Variants in KIRREL1 observed in about 807,000 individuals in gnomAD.
KIRREL1 encodes kin of IRRE-like protein 1.
Under a neutral mutation model 83.3 loss-of-function variants are expected in KIRREL1, and 25 were observed. That is an observed-to-expected ratio of 0.30 (90% CI 0.22 to 0.42). The LOEUF (loss-of-function observed/expected upper bound fraction) is 0.42. KIRREL1 is among the 10% of genes least tolerant of loss of function. The pLI is 1.00. For synonymous variants in KIRREL1, 388 were observed against 410.4 expected, an observed-to-expected ratio of 0.95 and a Z score of 0.66; for missense variants, 812 against 1,032.3, an observed-to-expected ratio of 0.79 and a Z score of 2.92.
At chr1:158,022,722 A>G (rs1342178029) in intron 1 of KIRREL1, among the ~76,000 whole-genome samples, 2 of 152,200 alleles carry the variant, frequency 1.3e-5, no homozygotes, top group Non-Finnish European at 2.9e-5. Context: ...CAGATTGCAT[A>G]ATAACTTAAT....
intron 2 of KIRREL1, among the ~76,000 whole-genome samples, chr1:158,077,427 C>T (rs1441585166): frequency 6.6e-6 from 1 of 152,064 alleles, no homozygotes; most frequent in African/African-American, 2.4e-5. Flanking sequence ...GGTGGGGGAG[C>T]CTGGAGGAAG....
At chr1:158,056,387 C>T (rs1160481243) in intron 1 of KIRREL1, among the ~76,000 whole-genome samples, 2 of 152,206 alleles carry the variant, frequency 1.3e-5, no homozygotes, top group Non-Finnish European at 2.9e-5. Context: ...TTCCTCCTCA[C>T]AGGGCAGGGC....
Position 158,023,621 on chromosome 1 carries a change from G to A in KIRREL1, c.52+29893G>A, listed in dbSNP as rs142367171. Among the ~76,000 whole-genome samples, 412 of 152,240 alleles carry A rather than the reference G, an allele frequency of 2.7e-3. 2 individuals are homozygous for A. Among genetic ancestry groups the A allele is most frequent in the African/African-American group, 9.6e-3 (399 of 41,532 alleles). ...GGAAAGAGCACAAGTAGGGGGACCGGGAGACTTGTGTGTCTTCTACCAGCC... is the reference window on the plus strand; with the variant it reads ...GGAAAGAGCACAAGTAGGGGGACCGAGAGACTTGTGTGTCTTCTACCAGCC... On this transcript the variant is annotated intron_variant, in intron 1 of 14. Transcript: ENST00000359209.
intron 1 of KIRREL1, among the ~76,000 whole-genome samples, chr1:158,074,870 T>C (rs1248034287): frequency 6.6e-6 from 1 of 152,182 alleles, no homozygotes; most frequent in African/African-American, 2.4e-5. Flanking sequence ...TAGAAAGCTC[T>C]GTTAGGAAAA....
At chr1:158,090,799 C>G (rs1481611397) in intron 10 of KIRREL1, among the ~76,000 whole-genome samples, 1 of 152,206 alleles carries the variant, frequency 6.6e-6, no homozygotes, top group Non-Finnish European at 1.5e-5. Context: ...GTTAGAATCA[C>G]AGACTATCAG....
At chr1:158,018,070 C>T (rs186420911) in intron 1 of KIRREL1, among the ~76,000 whole-genome samples, 2 of 152,212 alleles carry the variant, frequency 1.3e-5, no homozygotes, top group East Asian at 3.9e-4. Context: ...ATAGTGAACA[C>T]TCCCATTGAA....
At chr1:158,087,919 G>C in intron 6 of KIRREL1, 59 bp downstream of exon 6, 1 of 1,607,754 alleles carries the variant, frequency 6.2e-7, no homozygotes, top group Non-Finnish European at 8.5e-7. Flanking sequence ...TTCGGGGTTA[G>C]AGGCTGTACT....
chr1:158,039,415 C>T (rs1660565800), intron 1 of KIRREL1, among the ~76,000 whole-genome samples: 1 of 152,188 alleles, frequency 6.6e-6, no homozygotes, highest in Admixed American at 6.5e-5. Flanking sequence ...GCCCCTCATT[C>T]CCACCATTTG....
chr1:158,073,040 C>T (rs937873237), intron 1 of KIRREL1, among the ~76,000 whole-genome samples: 3 of 152,106 alleles, frequency 2.0e-5, no homozygotes, highest in African/African-American at 7.2e-5. Context: ...AGACTTGGGG[C>T]GTTCCTGTAA....
At chr1:158,082,835 G>A (rs1661903972) in intron 3 of KIRREL1, among the ~76,000 whole-genome samples, 1 of 152,052 alleles carries the variant, frequency 6.6e-6, no homozygotes, top group African/African-American at 2.4e-5. Context: ...GCATGATGGT[G>A]TGTACCTGTA....
rs574296578 is a variant in KIRREL1 at position 158,096,446 on chromosome 1, C to G, written c.*1326C>G. Reference sequence around the variant, plus strand: ...TGAGTGTCAAGCTTTGGATGACCGACCCTATGTGGGCGGTTGTGTGGGGAG... The same window carrying G: ...TGAGTGTCAAGCTTTGGATGACCGAGCCTATGTGGGCGGTTGTGTGGGGAG... On this transcript the variant is annotated 3_prime_UTR_variant, in exon 15 of 15. Transcript: ENST00000359209. 2.6e-6 allele frequency: 1 copy of G among 379,508 alleles called. No individual in the cohort carries two copies. Among genetic ancestry groups the G allele is most frequent in the African/African-American group, 2.1e-5 (1 of 47,842 alleles). 23.5% of individuals were successfully genotyped at this position (379,508 alleles called of 1,614,324 possible).
chr1:158,017,076 C>CTGTTAGTGCCTAACTATA (rs1479326602), intron 1 of KIRREL1, among the ~76,000 whole-genome samples: 1 of 152,238 alleles, frequency 6.6e-6, no homozygotes, highest in African/African-American at 2.4e-5. Context: ...ATGTTAGGCA[C>CTGTTAGTGCCTAACTATA]TGTTAGGTGC....
chr1:158,069,842 G>A (rs564398312), intron 1 of KIRREL1, among the ~76,000 whole-genome samples: 87 of 152,290 alleles, frequency 5.7e-4, no homozygotes, highest in Non-Finnish European at 1.0e-3. Flanking sequence ...TACCTTATTG[G>A]GTTGTTGTGT....
At position 158,099,162 on chromosome 1, in the gene KIRREL1, T is replaced by C. The variant is rs1182282206; in HGVS notation, c.*4042T>C. The C allele has an allele frequency of 6.6e-6, 1 of 152,234 alleles. No homozygotes were observed. Among genetic ancestry groups the C allele is most frequent in the African/African-American group, 2.4e-5 (1 of 41,452 alleles). 9.4% of individuals were successfully genotyped at this position (152,234 alleles called of 1,614,324 possible). On this transcript the variant is annotated 3_prime_UTR_variant, in exon 15 of 15. Coordinates refer to ENST00000359209, the MANE Select transcript of KIRREL1 (RefSeq NM_018240.7). The stretch of plus-strand genomic sequence containing the variant: ...TGCTGTCTGACCTGAGCCAGGCCAC[T>C]GCTTGGTGCCTCTACAGGCCACTGT...
chr1:158,091,290 G>A, intron 10 of KIRREL1, 68 bp from the exon 11 acceptor site: 1 of 1,461,410 alleles, frequency 6.8e-7, no homozygotes, highest in Non-Finnish European at 9.4e-7. Flanking sequence ...GGTGGATCAG[G>A]GGACACGTGG....
intron 1 of KIRREL1, among the ~76,000 whole-genome samples, chr1:158,054,256 G>A (rs7530489): frequency 0.6 from 87,979 of 146,612 alleles, 28,439 homozygotes; most frequent in East Asian, 0.84. Context: ...AAAGAAAGTG[G>A]TGGGGATGGG....
At chr1:158,045,626 A>ATG (rs1660759262) in intron 1 of KIRREL1, among the ~76,000 whole-genome samples, 1 of 152,176 alleles carries the variant, frequency 6.6e-6, no homozygotes, top group Non-Finnish European at 1.5e-5. Context: ...CTGCACATCA[A>ATG]TGTGTGTACC....
At chr1:158,090,531 CG>C (rs1241613944) in intron 10 of KIRREL1, among the ~76,000 whole-genome samples, 3 of 152,286 alleles carry the variant, frequency 2.0e-5, no homozygotes, top group Admixed American at 1.3e-4. Flanking sequence ...GCTGGCCTCC[CG>C]GGGGGCTTTC....
intron 3 of KIRREL1, among the ~76,000 whole-genome samples, chr1:158,080,220 T>G (rs559276130): frequency 6.6e-6 from 1 of 152,322 alleles, no homozygotes; most frequent in Non-Finnish European, 1.5e-5. Context: ...GTGCTACTGC[T>G]GCCCTGGAGT....
Sources: allele counts gnomAD v4.1 joint callset (sites outside exome capture counted in the v4.1 genomes callset), GRCh38; gene constraint gnomAD v4.1.1; transcripts MANE v1.5; gene names NCBI Gene and HGNC (gene_info 2026-07-23, HGNC 2026-07-21).